The following HIVEP1 variants were observed in gnomAD, a reference collection of about 807,000 sequenced individuals.
HIVEP1 encodes the protein HIVEP zinc finger 1, also known as zinc finger protein 40.
Under a neutral mutation model 180.0 loss-of-function variants are expected in HIVEP1, and 36 were observed. The ratio of observed to expected loss-of-function variants is 0.20; its 90% CI spans 0.15 to 0.26. HIVEP1 has a LOEUF of 0.26. HIVEP1 is among the 10% of genes least tolerant of loss of function. HIVEP1 has a pLI of 1.00. For synonymous variants in HIVEP1, 1,239 were observed against 1,239.0 expected (o/e 1.00, Z 0.00); for missense variants, 3,143 against 3,268.7 (o/e 0.96, Z 0.94).
intron 3 of HIVEP1, among the ~76,000 whole-genome samples, chr6:12,108,508 G>A (rs1774625285): frequency 2.0e-5 from 3 of 152,242 alleles, no homozygotes; most frequent in Non-Finnish European, 2.9e-5. Flanking sequence ...CAGGCATGGC[G>A]GGCTGCAGGT....
rs1341952997 is a variant in HIVEP1 at position 12,124,745 on chromosome 6, T to C, written c.4950T>C (p.Ala1650=). The change falls in exon 4 of 9, where the codon GCT becomes GCC. Residue 1650 remains alanine, a synonymous_variant. Transcript: ENST00000379388. ...GTAGTGTTCCTGCTTACTGTTTTGC[T>C]ACACTCACATCCCTGCCACAAATAC... is the stretch of plus-strand genomic sequence containing the variant. ...LQSSVPAYCF[A]TLTSLPQILV... 3 of 1,614,044 alleles carry C rather than the reference T, an allele frequency of 1.9e-6. No individual in the cohort carries two copies. The African/African-American group carries it at 4.0e-5, about 22-fold the overall frequency.
At chr6:12,053,225 ATG>A (rs767873433) in intron 2 of HIVEP1, among the ~76,000 whole-genome samples, 3 of 151,580 alleles carry the variant, frequency 2.0e-5, no homozygotes, top group Admixed American at 6.6e-5. Context: ...TATGCTGTTC[ATG>A]TGTGTGTGTG....
rs146014896 is a variant in HIVEP1, at chr6:12,049,126, A to G, written c.40+33458A>G. Among the ~76,000 whole-genome samples, 411 of 152,352 alleles carry G rather than the reference A, an allele frequency of 2.7e-3. 2 individuals are homozygous for G. The highest frequency in any genetic ancestry group is 9.3e-3 in the African/African-American group (387 of 41,582). On this transcript the variant is annotated intron_variant, in intron 2 of 8. Coordinates refer to ENST00000379388, the MANE Select transcript of HIVEP1 (RefSeq NM_002114.4). ...GTGATTCTCCCAAGCCTTTATAACC[A>G]GAACATTTATTATGGGGTGTGGGTT...
intron 3 of HIVEP1, among the ~76,000 whole-genome samples, chr6:12,091,057 A>G (rs541049864): frequency 1.3e-5 from 2 of 152,214 alleles, no homozygotes; most frequent in East Asian, 1.9e-4. Context: ...TTATACAGAA[A>G]TTAAAAATAA....
Position 12,124,991 on chromosome 6 carries a change from T to C in HIVEP1, c.5196T>C (p.Gly1732=). The part of the protein sequence containing the change: ...SLPITQKISV[G]RLSPQQESSA... ...CCATAACTCAGAAAATATCTGTTGG[T>C]CGACTTTCCCCTCAACAAGAATCTT... The change falls in exon 4 of 9, where the codon GGT becomes GGC. Residue 1732 remains glycine (G), a synonymous_variant. Transcript: ENST00000379388. The C allele has an allele frequency of 6.2e-7, 1 of 1,614,190 alleles. No homozygotes were observed. Among genetic ancestry groups the C allele is most frequent in the African/African-American group, 1.3e-5 (1 of 75,056 alleles).
At chr6:12,193,002 A>G in the HIVEP1 span, among the ~76,000 whole-genome samples, 3 of 152,126 alleles carry the variant, frequency 2.0e-5, no homozygotes, top group Non-Finnish European at 4.4e-5. Flanking sequence ...CCTGGGCCTC[A>G]GTTTTCTCAT....
At chr6:12,098,567 C>T (rs1033836437) in intron 3 of HIVEP1, among the ~76,000 whole-genome samples, 1 of 152,176 alleles carries the variant, frequency 6.6e-6, no homozygotes, top group African/African-American at 2.4e-5. Flanking sequence ...CTGTATGAGA[C>T]CAAAAAGAAA....
chr6:12,085,709 C>T (rs1230012661), intron 2 of HIVEP1, among the ~76,000 whole-genome samples: 1 of 152,106 alleles, frequency 6.6e-6, no homozygotes, highest in African/African-American at 2.4e-5. Context: ...GAATGAGAGG[C>T]AGGCCTCTGA....
intron 2 of HIVEP1, among the ~76,000 whole-genome samples, chr6:12,017,667 C>T (rs1052118084): frequency 2.0e-5 from 3 of 152,206 alleles, no homozygotes; most frequent in African/African-American, 7.2e-5. Flanking sequence ...TGACAGGGTG[C>T]TGATTGGTGT....
chr6:12,140,088 G>A (rs1481264003), intron 7 of HIVEP1, among the ~76,000 whole-genome samples: 2 of 152,186 alleles, frequency 1.3e-5, no homozygotes, highest in African/African-American at 4.8e-5. Flanking sequence ...TCCCCGTAGG[G>A]GCCGACTGAC....
rs139589847 is a variant in HIVEP1, at chr6:12,063,422, A to G, written c.41-25762A>G. On this transcript the variant is annotated intron_variant, in intron 2 of 8. Coordinates refer to ENST00000379388, the MANE Select transcript of HIVEP1 (RefSeq NM_002114.4). This position sits in a 1 kb window ranked among gnomAD's most constrained non-coding sequence, Gnocchi z 4.2. ...GCAAAATCACCCCAACCTAAAAACC[A>G]CTAGTGGAGTTATATGGCATTAAAC... Among the ~76,000 whole-genome samples, 1 of 152,136 alleles carries G rather than the reference A, an allele frequency of 6.6e-6. No homozygotes were observed. The highest frequency in any genetic ancestry group is 1.5e-5 in the Non-Finnish European group (1 of 68,006).
chr6:12,184,439 A>C, the HIVEP1 span, among the ~76,000 whole-genome samples: 1 of 152,320 alleles, frequency 6.6e-6, no homozygotes, highest in African/African-American at 2.4e-5. Context: ...TCTTCATTCC[A>C]CTATTCCAGA....
At chr6:12,021,041 C>A (rs1477459821) in intron 2 of HIVEP1, among the ~76,000 whole-genome samples, 2 of 152,088 alleles carry the variant, frequency 1.3e-5, no homozygotes, top group South Asian at 2.1e-4. Flanking sequence ...TAGGCGCCTG[C>A]CACCACGCAC....
At position 12,156,752 on chromosome 6, in the gene HIVEP1, T is replaced by A. The variant is rs986351127; in HGVS notation, c.6488-4687T>A. Among the ~76,000 whole-genome samples, 4 of 152,220 alleles carry A rather than the reference T, an allele frequency of 2.6e-5. No homozygotes were observed. The East Asian group carries it at 7.7e-4, about 29-fold the overall frequency. On this transcript the variant is annotated intron_variant, in intron 7 of 8. Transcript: ENST00000379388. ...TGATTTTAAATAGTTGAGGTTTATT[T>A]TGTAGCTCAGAATATGGTATGTACT...
intron 7 of HIVEP1, among the ~76,000 whole-genome samples, chr6:12,148,195 G>A (rs1199788300): frequency 6.6e-6 from 1 of 152,224 alleles, no homozygotes; most frequent in Non-Finnish European, 1.5e-5. Flanking sequence ...ACAGTTTCAA[G>A]TTTTGAAGTG....
At chr6:12,032,139 C>CTTTTT (rs71877836) in intron 2 of HIVEP1, among the ~76,000 whole-genome samples, 1 of 133,728 alleles carries the variant, frequency 7.5e-6, no homozygotes, top group Admixed American at 7.5e-5. Flanking sequence ...CACTGATAAC[C>CTTTTT]TTTTTTTTTT....
At chr6:12,085,180 GA>G (rs1204643738) in intron 2 of HIVEP1, among the ~76,000 whole-genome samples, 19 of 152,226 alleles carry the variant, frequency 1.2e-4, no homozygotes, top group Middle Eastern at 3.4e-3. Context: ...CAGCTCTAGA[GA>G]AACAGGGTTC....
At chr6:12,178,331 A>G in the HIVEP1 span, among the ~76,000 whole-genome samples, 2 of 152,224 alleles carry the variant, frequency 1.3e-5, no homozygotes, top group Admixed American at 1.3e-4. Context: ...GTGCCCACCT[A>G]TAATTCCAAC....
chr6:12,178,103 A>C, the HIVEP1 span, among the ~76,000 whole-genome samples: 1 of 152,226 alleles, frequency 6.6e-6, no homozygotes, highest in African/African-American at 2.4e-5. Flanking sequence ...AAAATCATGA[A>C]GGCTCGTAAA....
Sources: gnomAD v4.1 joint callset for allele counts (sites outside exome capture counted in the v4.1 genomes callset) on GRCh38, gnomAD v4.1.1 for gene constraint, Gnocchi (gnomAD v3.1) non-coding constraint, MANE v1.5 for transcripts, NCBI Gene and HGNC (gene_info 2026-07-23, HGNC 2026-07-21) for gene names.